The following SLC12A6 variants were observed in gnomAD, a reference collection of about 807,000 sequenced individuals.
SLC12A6 encodes the protein solute carrier family 12 member 6, also known as K-Cl cotransporter 3.
Under a neutral mutation model 135.3 loss-of-function variants are expected in SLC12A6, and 66 were observed. That is an observed-to-expected ratio of 0.49 (90% CI 0.40 to 0.60). SLC12A6 has a LOEUF of 0.60. Ranked by LOEUF, SLC12A6 falls within the 20% of genes least tolerant of loss-of-function variation. The pLI is 0.00. For missense variants in SLC12A6, 1,058 were observed against 1,452.3 expected (o/e 0.73, Z 4.41); for synonymous variants, 513 against 508.8 (o/e 1.01, Z -0.11).
intron 3 of SLC12A6, among the ~76,000 whole-genome samples, chr15:34,265,784 G>A (rs1250002588): frequency 1.3e-5 from 2 of 152,050 alleles, no homozygotes; most frequent in African/African-American, 4.8e-5. Flanking sequence ...TCAGGCAGAG[G>A]GAACACAGCA....
In SLC12A6 at chr15:34,239,061, A is replaced by G. The variant is rs1483241323; in HGVS notation, c.2536T>C (p.Cys846Arg). 6.2e-7 allele frequency: 1 copy of G among 1,614,178 alleles called. No individual in the cohort carries two copies. Among genetic ancestry groups the G allele is most frequent in the Non-Finnish European group, 8.5e-7 (1 of 1,179,988 alleles). Reference sequence around the variant, plus strand: ...TTGTGCTTCATGCCCCCAAGGCCACATGACTGGATGAGGTGGGAAATGCCC... The same window carrying G: ...TTGTGCTTCATGCCCCCAAGGCCACGTGACTGGATGAGGTGGGAAATGCCC... ...REGISHLIQSCGLGGMKHNTV... is the reference protein window; with the variant it reads ...REGISHLIQSRGLGGMKHNTV... Residue 846 changes from cysteine (C) to arginine (R), a missense_variant, in exon 20 of 26, where the codon TGT (cysteine) becomes CGT (arginine). Physicochemically the swap from Cys to Arg is radical, Grantham distance 180. This residue lies in a region of SLC12A6 where 245 missense variants were observed against 440.8 expected (regional missense o/e 0.56). Transcript: ENST00000354181.
At chr15:34,326,576 C>T (rs1889470034) in intron 2 of SLC12A6, among the ~76,000 whole-genome samples, 1 of 152,186 alleles carries the variant, frequency 6.6e-6, no homozygotes, top group Admixed American at 6.5e-5. Context: ...CTCAGCACTA[C>T]TACACTGCTC....
chr15:34,282,423 C>T (rs1301830259), intron 2 of SLC12A6, among the ~76,000 whole-genome samples: 1 of 152,074 alleles, frequency 6.6e-6, no homozygotes, highest in Non-Finnish European at 1.5e-5. Flanking sequence ...CTTTGGGAAA[C>T]GTTGAACTAA....
rs1892207566 is a variant in SLC12A6, at chr15:34,249,092, TTG to T, written c.1649+1204_1649+1205del. On this transcript the variant is annotated intron_variant, in intron 13 of 25. Coordinates refer to ENST00000354181, the MANE Select transcript of SLC12A6 (RefSeq NM_001365088.1). ...GCAGGGAGGTTTGTATGTTCAAATT[TTG>T]TGTTTTAGAAAAGTCATTCTGGTGG... is the stretch of plus-strand genomic sequence containing the variant. 2.0e-5 allele frequency among the ~76,000 whole-genome samples: 3 copies of T among 152,212 alleles called. 1 individual carries two copies. The highest frequency in any genetic ancestry group is 2.0e-4 in the Admixed American group (3 of 15,282).
intron 12 of SLC12A6, 78 bp downstream of exon 12, chr15:34,250,551 CCA>C: frequency 1.1e-6 from 1 of 882,128 alleles, no homozygotes; most frequent in Non-Finnish European, 1.9e-6. Context: ...ATCTTTGTTA[CCA>C]GGATAAAAAT....
In SLC12A6 at chr15:34,230,585, CAT is replaced by C. The variant is rs1370801350; in HGVS notation, c.*3294_*3295del. 1.3e-5 allele frequency: 2 copies of C among 152,722 alleles called. No homozygotes were observed. The allele number at this position is 152,722 out of a possible 1,614,324, so 9.5% of individuals were successfully genotyped here. The stretch of plus-strand genomic sequence containing the variant: ...TATTTCTAATCTACCCTGGTAAAGT[CAT>C]AGGTAAGACTCAAAAGCGGGATCTT... On this transcript the variant is annotated 3_prime_UTR_variant, in exon 26 of 26. Transcript: ENST00000354181.
rs2615358 is a variant in SLC12A6 at position 34,254,250 on chromosome 15, G to C, written c.1118+98C>G. On this transcript the variant is annotated intron_variant, in intron 9 of 25. Coordinates refer to ENST00000354181, the MANE Select transcript of SLC12A6 (RefSeq NM_001365088.1). ...GGCTTATCTGAGAGGGAAAATCTCA[G>C]AGAGACTCTATGAAATTCTGACTTA... 0.85 allele frequency: 1,089,100 copies of C among 1,280,898 alleles called. 466,869 individuals are homozygous for C. The highest frequency in any genetic ancestry group is 1 in the East Asian group (43,372 of 43,428). The allele number at this position is 1,280,898 out of a possible 1,614,324, so 79.3% of individuals were successfully genotyped here.
chr15:34,290,606 G>A (rs1228500232), intron 2 of SLC12A6, among the ~76,000 whole-genome samples: 3 of 152,174 alleles, frequency 2.0e-5, no homozygotes, highest in Non-Finnish European at 4.4e-5. Context: ...CTGTGTGGGA[G>A]TCTAAGTCTC....
At chr15:34,337,933 C>T (rs1890306753), upstream of SLC12A6, 1 of 152,314 alleles carries the variant, frequency 6.6e-6, no homozygotes, top group Non-Finnish European at 1.5e-5. Flanking sequence ...TCCCTTCCCT[C>T]CCCGCTTGTT....
chr15:34,314,813 A>C (rs1489164504), intron 2 of SLC12A6: 13 of 147,116 alleles, frequency 8.8e-5, no homozygotes, highest in African/African-American at 3.3e-4. Flanking sequence ...CTACTCCTTC[A>C]CTTGACCAGC....
chr15:34,293,463 C>G (rs904093651), intron 2 of SLC12A6, among the ~76,000 whole-genome samples: 10 of 152,186 alleles, frequency 6.6e-5, no homozygotes, highest in African/African-American at 1.2e-4. Flanking sequence ...ACTGCCACAT[C>G]CAGCTAATTT....
intron 13 of SLC12A6, among the ~76,000 whole-genome samples, chr15:34,248,126 G>T (rs1892128120): frequency 6.6e-6 from 1 of 152,048 alleles, no homozygotes; most frequent in South Asian, 2.1e-4. Flanking sequence ...TTGGGGGGAG[G>T]TGTATATTGC....
At chr15:34,259,508 G>C (rs1291478380) in intron 4 of SLC12A6, among the ~76,000 whole-genome samples, 1 of 152,074 alleles carries the variant, frequency 6.6e-6, no homozygotes, top group Non-Finnish European at 1.5e-5. Context: ...AAATCAGCCA[G>C]GTGTGGTGAC....
chr15:34,257,611 G>A (rs1595445523), intron 6 of SLC12A6, 31 bp downstream of exon 6: 1 of 1,598,412 alleles, frequency 6.3e-7, no homozygotes, highest in African/African-American at 1.3e-5. Flanking sequence ...GCAACGTTCA[G>A]GTGATCTCTA....
chr15:34,254,296 A>G, intron 9 of SLC12A6, 52 bp downstream of exon 9: 1 of 1,548,980 alleles, frequency 6.5e-7, no homozygotes, highest in African/African-American at 1.4e-5. Context: ...ACCACCAGAT[A>G]TTTTCAATTA....
Position 34,298,400 on chromosome 15 carries a change from G to A in SLC12A6, c.272-23011C>T, listed in dbSNP as rs187473881. ...AGAGGCAGGAGAACTGCTTGAACCC[G>A]GGAGGCGGAGGTTGCAGTGAGCTGA... is the stretch of plus-strand genomic sequence containing the variant. On this transcript the variant is annotated intron_variant, in intron 2 of 25. Transcript: ENST00000354181. 8.5e-3 allele frequency among the ~76,000 whole-genome samples: 1,289 copies of A among 152,084 alleles called. 14 individuals are homozygous for A. The highest frequency in any genetic ancestry group is 0.03 in the African/African-American group (1,233 of 41,478).
Position 34,250,343 on chromosome 15 carries a change from A to C in SLC12A6, c.1604T>G (p.Val535Gly). The change falls in exon 13 of 26, where the codon GTT becomes GGT. Residue 535 changes from valine (V) to glycine (G), a missense_variant. This residue lies in a region of SLC12A6 where 297 missense variants were observed against 318.5 expected (regional missense o/e 0.93). Coordinates refer to ENST00000354181, the MANE Select transcript of SLC12A6 (RefSeq NM_001365088.1). ...TTCAATACATGCACCAAAAAGGACA[A>C]CATTGCTTAAATCTACCATATTGAG... Reference protein sequence around the residue: ...LTTSFVYLSNVVLFGACIEGV... With the variant: ...LTTSFVYLSNGVLFGACIEGV... 1 of 1,591,870 alleles carries C rather than the reference A, an allele frequency of 6.3e-7. No homozygotes were observed. The highest frequency in any genetic ancestry group is 8.6e-7 in the Non-Finnish European group (1 of 1,159,594).
At chr15:34,336,363 A>G (rs1196781561) in intron 2 of SLC12A6, 47 bp downstream of exon 2, 20 of 1,472,314 alleles carry the variant, frequency 1.4e-5, no homozygotes, top group Non-Finnish European at 1.8e-5. Flanking sequence ...CATCTTGGAT[A>G]AAGAACCCAG....
rs542559563 is a variant in SLC12A6 at position 34,254,585 on chromosome 15, T to C, written c.881A>G (p.Tyr294Cys). 4 of 1,602,334 alleles carry C rather than the reference T, an allele frequency of 2.5e-6. No homozygotes were observed. In the East Asian group the frequency reaches 6.7e-5, roughly 27 times the overall value. ...ILGAIEIFLV[Y>C]IVPRAAIFHS... ...AAAGATGGCAGCTCGGGGGACGATA[T>C]AGACCTGTTAGGTAAAAATAAAGGA... is the stretch of plus-strand genomic sequence containing the variant. Residue 294 changes from tyrosine to cysteine, a missense_variant, in exon 9 of 26, where the codon TAT becomes TGT. Physicochemically the swap from Tyr to Cys is radical, Grantham distance 194. Coordinates refer to ENST00000354181, the MANE Select transcript of SLC12A6 (RefSeq NM_001365088.1).
Sources: gnomAD v4.1 joint callset for allele counts (sites outside exome capture counted in the v4.1 genomes callset) on GRCh38, gnomAD v4.1.1 for gene constraint, gnomAD v4.1.1 regional missense constraint, MANE v1.5 for transcripts, NCBI Gene and HGNC (gene_info 2026-07-23, HGNC 2026-07-21) for gene names.